The following GGT6 variants were observed in gnomAD, a reference collection of about 807,000 sequenced individuals.
The protein encoded by GGT6 is glutathione hydrolase 6.
In GGT6, 13 loss-of-function variants were observed where a neutral mutation model predicts 17.0. That is an observed-to-expected ratio of 0.77 (90% CI 0.50 to 1.22). GGT6 has a LOEUF of 1.22. GGT6 is among the 50% of genes most tolerant of loss of function. The probability of loss-of-function intolerance (pLI) is 0.00; values close to 1 mark genes in which losing one functional copy is unlikely to be tolerated. For synonymous variants in GGT6, 305 were observed against 297.9 expected (o/e 1.02, Z -0.25); for missense variants, 628 against 643.7 (o/e 0.98, Z 0.26).
In GGT6 at chr17:4,558,583, T is replaced by C. The variant is rs894087900; in HGVS notation, c.932A>G (p.Gln311Arg). Residue 311 changes from glutamine to arginine, a missense_variant, in exon 4 of 4, where the codon CAG becomes CGG. Physicochemically the swap from Gln to Arg is conservative, Grantham distance 43. Coordinates refer to ENST00000381550, the MANE Select transcript of GGT6 (RefSeq NM_001288702.2). ...LEPAEQLPVP[Q>R]GILFTTPSPS... ...ACTGGGGGTGGTGAACAGGATGCCC[T>C]GGGGCACAGGTAGCTGCTCTGCTGG... The C allele has an allele frequency of 1.9e-6, 3 of 1,565,262 alleles. No individual in the cohort carries two copies. In the Admixed American group the frequency reaches 5.5e-5, roughly 29 times the overall value.
chr17:4,558,157 T>A lies in GGT6; in HGVS notation c.1358A>T (p.Gln453Leu), dbSNP rs1908302878. The A allele has an allele frequency of 1.2e-6, 2 of 1,613,932 alleles. No homozygotes were observed. The highest frequency in any genetic ancestry group is 1.7e-6 in the Non-Finnish European group (2 of 1,179,874). Residue 453 changes from glutamine to leucine, a missense_variant, in exon 4 of 4, where the codon CAG (glutamine) becomes CTG (leucine). By Grantham distance (113) the Gln-to-Leu change is moderately radical. Transcript: ENST00000381550. ...TTCTTGCTGACCCTGATGCTGGTGC[T>A]GGGCCTGGGTAGGGGGCCTTGCTGC... ...HLAARPPTQA[Q>L]HQHQGQQEPT...
Position 4,557,853 on chromosome 17 carries a change from T to C in GGT6, c.*162A>G. 1.8e-6 allele frequency: 1 copy of C among 548,612 alleles called. No homozygotes were observed. The highest frequency in any genetic ancestry group is 2.9e-5 in the South Asian group (1 of 34,978). The allele number at this position is 548,612 out of a possible 1,614,324, so 34.0% of individuals were successfully genotyped here. On this transcript the variant is annotated 3_prime_UTR_variant, in exon 4 of 4. Transcript: ENST00000381550. Reference sequence around the variant, plus strand: ...GTTGTCTAGGCTAGTTTCAAACTCCTGGCCTCGAGGTATCTTCCTGCCTTG... The same window carrying C: ...GTTGTCTAGGCTAGTTTCAAACTCCCGGCCTCGAGGTATCTTCCTGCCTTG...
chr17:4,560,566 C>G lies in GGT6; in HGVS notation c.-45G>C, dbSNP rs370403450. 15 of 1,601,332 alleles carry G rather than the reference C, an allele frequency of 9.4e-6. No individual in the cohort carries two copies. In the East Asian group the frequency reaches 3.3e-4, roughly 36 times the overall value. On this transcript the variant is annotated 5_prime_UTR_variant, in exon 1 of 4. Coordinates refer to ENST00000381550, the MANE Select transcript of GGT6 (RefSeq NM_001288702.2). Reference sequence around the variant, plus strand: ...CAGCCCTCCTGCCTGCCAGCCTTTCCGGCTGTGTCTCAGAGGCCCTGCCCA... The same window carrying G: ...CAGCCCTCCTGCCTGCCAGCCTTTCGGGCTGTGTCTCAGAGGCCCTGCCCA...
Position 4,559,192 on chromosome 17 carries a change from T to C in GGT6, c.458-135A>G, listed in dbSNP as rs1171091627. 2.3e-6 allele frequency: 3 copies of C among 1,279,170 alleles called. No individual in the cohort carries two copies. The African/African-American group carries it at 4.4e-5, about 19-fold the overall frequency. 79.2% of individuals were successfully genotyped at this position (1,279,170 alleles called of 1,614,324 possible). On this transcript the variant is annotated intron_variant, in intron 3 of 3. Coordinates refer to ENST00000381550, the MANE Select transcript of GGT6 (RefSeq NM_001288702.2). ...AGGTCAAAGTTCCACAGACCCGGGC[T>C]CAAGGGTCATAGCCTGGGGTTGGAC...
At chr17:4,559,089 G>A (rs942976187) in intron 3 of GGT6, 32 bp from the exon 4 acceptor site, 18 of 1,539,044 alleles carry the variant, frequency 1.2e-5, no homozygotes, top group Admixed American at 5.9e-5. Context: ...CTCAGCAGCC[G>A]CAGGTCAAGG....
intron 1 of GGT6, chr17:4,560,031 T>G: frequency 3.5e-6 from 2 of 576,156 alleles, no homozygotes; most frequent in South Asian, 2.1e-5. Context: ...CCCAGTGGGG[T>G]GTGGCAGGCA....
Position 4,559,381 on chromosome 17 carries a change from A to G in GGT6, c.419T>C (p.Leu140Ser), listed in dbSNP as rs955851801. The G allele has an allele frequency of 1.9e-6, 3 of 1,551,684 alleles. No individual in the cohort carries two copies. The highest frequency in any genetic ancestry group is 1.2e-5 in the South Asian group (1 of 84,056). ...ATGAGGATGCACCACTGCCAGGCACAATGCAGCTCCAACTCCAGCATCCAC... is the reference window on the plus strand; with the variant it reads ...ATGAGGATGCACCACTGCCAGGCACGATGCAGCTCCAACTCCAGCATCCAC... ...NVVDAGVGAA[L>S]CLAVVHPHAT... Residue 140 changes from leucine (L) to serine (S), a missense_variant, in exon 3 of 4, where the codon TTG becomes TCG. Leu to Ser is a moderately radical substitution (Grantham distance 145, BLOSUM62 -2). Coordinates refer to ENST00000381550, the MANE Select transcript of GGT6 (RefSeq NM_001288702.2).
intron 1 of GGT6, 143 bp from the exon 2 acceptor site, chr17:4,559,903 G>A (rs985469103): frequency 7.0e-6 from 5 of 715,856 alleles, no homozygotes; most frequent in South Asian, 3.6e-5. Flanking sequence ...TCTTGGCAGC[G>A]GGTGCATCTT....
At position 4,560,435 on chromosome 17, in the gene GGT6, CTCCTCCTCCACT is replaced by C. The variant is rs761525561; in HGVS notation, c.75_86del (p.Val26_Glu29del). 2.5e-6 allele frequency: 4 copies of C among 1,613,970 alleles called. No homozygotes were observed. The highest frequency in any genetic ancestry group is 2.2e-5 in the East Asian group (1 of 44,894). On this transcript the variant is annotated inframe_deletion, in exon 1 of 4. Coordinates refer to ENST00000381550, the MANE Select transcript of GGT6 (RefSeq NM_001288702.2). The stretch of plus-strand genomic sequence containing the variant: ...TTAGAACCAGCGCCTCTGATGTCTC[CTCCTCCTCCACT>C]TCCTCCTCCGACTCCAAGCTTGGCT...
At position 4,559,719 on chromosome 17, in the gene GGT6, A is replaced by G. The variant is rs1277335148; in HGVS notation, c.182T>C (p.Val61Ala). The G allele has an allele frequency of 1.2e-6, 2 of 1,612,360 alleles. No individual in the cohort carries two copies. Among genetic ancestry groups the G allele is most frequent in the Non-Finnish European group, 1.7e-6 (2 of 1,179,998 alleles). Residue 61 changes from valine (V) to alanine (A), a missense_variant, in exon 2 of 4, where the codon GTG becomes GCG. Physicochemically the swap from Val to Ala is moderately conservative, Grantham distance 64. Coordinates refer to ENST00000381550, the MANE Select transcript of GGT6 (RefSeq NM_001288702.2). ...AACAGCCAGCAGCAGCAGGGCTGCCACTACACGGGCCCAGGTTCCGGGCAG... is the reference window on the plus strand; with the variant it reads ...AACAGCCAGCAGCAGCAGGGCTGCCGCTACACGGGCCCAGGTTCCGGGCAG... Reference protein sequence around the residue: ...GGLPGTWARVVAALLLLAVGC... With the variant: ...GGLPGTWARVAAALLLLAVGC...
In GGT6 at chr17:4,560,488, T is replaced by G; in HGVS notation, c.34A>C (p.Lys12Gln). The G allele has an allele frequency of 6.2e-7, 1 of 1,613,338 alleles. No homozygotes were observed. Among genetic ancestry groups the G allele is most frequent in the Non-Finnish European group, 8.5e-7 (1 of 1,180,020 alleles). ...ERAEEPVVYQ[K>Q]LLPWEPSLES... is the part of the protein sequence containing the mutation. ...AAGCTTGGCTCCCAGGGCAGCAGCT[T>G]CTGATAGACCACGGGCTCTTCTGCC... The change falls in exon 1 of 4, where the codon AAG (lysine) becomes CAG (glutamine). Residue 12 changes from lysine to glutamine, a missense_variant. Lys to Gln is a moderately conservative substitution (Grantham distance 53). Coordinates refer to ENST00000381550, the MANE Select transcript of GGT6 (RefSeq NM_001288702.2).
In GGT6 at chr17:4,559,007, C is replaced by G; in HGVS notation, c.508G>C (p.Ala170Pro). ...FHDSSSGNST[A>P]LTSGPAQTLA... ...GTCTGTGCTGGGCCTGATGTCAGGG[C>G]CGTGGAATTGCCTGAGGAGCTATCG... Residue 170 changes from alanine (A) to proline (P), a missense_variant, in exon 4 of 4, where the codon GCC (alanine) becomes CCC (proline). By Grantham distance (27) the Ala-to-Pro change is conservative. Coordinates refer to ENST00000381550, the MANE Select transcript of GGT6 (RefSeq NM_001288702.2). 1 of 1,544,338 alleles carries G rather than the reference C, an allele frequency of 6.5e-7. No individual in the cohort carries two copies. Among genetic ancestry groups the G allele is most frequent in the Admixed American group, 2.0e-5 (1 of 51,008 alleles).
Position 4,559,681 on chromosome 17 carries a change from C to T in GGT6, c.220G>A (p.Ala74Thr), listed in dbSNP as rs772303187. 8 of 1,612,636 alleles carry T rather than the reference C, an allele frequency of 5.0e-6. No homozygotes were observed. In the Admixed American group the frequency reaches 1.2e-4, roughly 24 times the overall value. Residue 74 changes from alanine (A) to threonine (T), a missense_variant, in exon 2 of 4, where the codon GCT (alanine) becomes ACT (threonine). Coordinates refer to ENST00000381550, the MANE Select transcript of GGT6 (RefSeq NM_001288702.2). ...LLLLAVGCSL[A>T]VRQLQNQGRS... ...CCCTGATTCTGGAGCTGCCTCACAG[C>T]CAGGGAGCAGCCAACAGCCAGCAGC...
chr17:4,558,529 A>C lies in GGT6; in HGVS notation c.986T>G (p.Leu329Arg). 6.3e-7 allele frequency: 1 copy of C among 1,586,532 alleles called. No homozygotes were observed. Among genetic ancestry groups the C allele is most frequent in the Non-Finnish European group, 8.6e-7 (1 of 1,166,244 alleles). Reference protein sequence around the residue: ...SPSAGPELLALLEAALRSGAP... With the variant: ...SPSAGPELLARLEAALRSGAP... ...CCCGGAGCGCAGGGCTGCCTCCAAC[A>C]GTGCCAGCAGTTCTGGGCCAGCTGA... The change falls in exon 4 of 4, where the codon CTG becomes CGG. Residue 329 changes from leucine to arginine, a missense_variant. By Grantham distance (102) the Leu-to-Arg change is moderately radical (BLOSUM62 -2). Coordinates refer to ENST00000381550, the MANE Select transcript of GGT6 (RefSeq NM_001288702.2).
In GGT6 at chr17:4,558,732, T is replaced by C. The variant is rs766191021; in HGVS notation, c.783A>G (p.Ala261=). The change falls in exon 4 of 4, where the codon GCA becomes GCG. Residue 261 remains alanine, a synonymous_variant. Transcript: ENST00000381550. ...AGARATNPQL[A]AVLRSAALAP... is the part of the protein sequence containing the mutation. Reference sequence around the variant, plus strand: ...CGAGGGCTGCGCTGCGAAGCACAGCTGCCAGTTGTGGGTTGGTGGCTCGGG... The same window carrying C: ...CGAGGGCTGCGCTGCGAAGCACAGCCGCCAGTTGTGGGTTGGTGGCTCGGG... 6.3e-7 allele frequency: 1 copy of C among 1,599,834 alleles called. No homozygotes were observed. Among genetic ancestry groups the C allele is most frequent in the Non-Finnish European group, 8.5e-7 (1 of 1,174,344 alleles).
At position 4,558,034 on chromosome 17, in the gene GGT6, C is replaced by A; in HGVS notation, c.1481G>T (p.Cys494Phe). Reference protein sequence around the residue: ...AHVSSVPHACCPFQGF With the variant: ...AHVSSVPHACFPFQGF Reference sequence around the variant, plus strand: ...ATCCTGTTAGAACCCCTGGAAGGGGCAGCAGGCATGGGGGACACTGGAGAC... The same window carrying A: ...ATCCTGTTAGAACCCCTGGAAGGGGAAGCAGGCATGGGGGACACTGGAGAC... Residue 494 changes from cysteine to phenylalanine, a missense_variant, in exon 4 of 4, where the codon TGC (cysteine) becomes TTC (phenylalanine). Cys to Phe is a radical substitution (Grantham distance 205). Transcript: ENST00000381550. 6.5e-7 allele frequency: 1 copy of A among 1,547,630 alleles called. No individual in the cohort carries two copies. Among genetic ancestry groups the A allele is most frequent in the Non-Finnish European group, 8.7e-7 (1 of 1,147,002 alleles).
At chr17:4,560,230 G>A in intron 1 of GGT6, 152 bp downstream of exon 1, 1 of 820,496 alleles carries the variant, frequency 1.2e-6, no homozygotes, top group Non-Finnish European at 1.9e-6. Flanking sequence ...CAAGTCTCGG[G>A]CTACAGCCTG....
chr17:4,560,327 G>T (rs577797251), intron 1 of GGT6, 55 bp downstream of exon 1: 3 of 1,606,460 alleles, frequency 1.9e-6, no homozygotes, highest in Middle Eastern at 1.7e-4. Flanking sequence ...CAGAGAGAGG[G>T]ACTTGCCAAC....
chr17:4,556,321 G>C (rs1235070844), downstream of GGT6, among the ~76,000 whole-genome samples: 1 of 152,180 alleles, frequency 6.6e-6, no homozygotes, highest in Admixed American at 6.5e-5. Context: ...TCAGATTTGG[G>C]CTGATGTGGA....
Sources: allele counts gnomAD v4.1 joint callset (sites outside exome capture counted in the v4.1 genomes callset), GRCh38; gene constraint gnomAD v4.1.1; transcripts MANE v1.5; gene names NCBI Gene and HGNC (gene_info 2026-07-23, HGNC 2026-07-21).